The following UGT3A2 variants were observed in gnomAD, a reference collection of about 807,000 sequenced individuals.
UGT3A2 encodes the protein UDP glycosyltransferase family 3 member A2.
A neutral mutation model predicts 39.8 loss-of-function variants in UGT3A2; 32 were observed. The ratio of observed to expected loss-of-function variants is 0.80; its 90% CI spans 0.61 to 1.08. UGT3A2 has a LOEUF of 1.08. Ranked by LOEUF, UGT3A2 falls within the 50% of genes least tolerant of loss-of-function variation. The pLI, the probability that UGT3A2 is intolerant of heterozygous loss-of-function variation, is 0.00. For missense variants in UGT3A2, 611 were observed against 637.1 expected (o/e 0.96, Z 0.44); for synonymous variants, 241 against 230.7 (o/e 1.04, Z -0.40).
chr5:36,065,175 A>G (rs553497490), intron 1 of UGT3A2, among the ~76,000 whole-genome samples: 52 of 152,256 alleles, frequency 3.4e-4, no homozygotes, highest in African/African-American at 1.2e-3. Context: ...GGTTCTCAGC[A>G]GCAGAGAAAG....
intron 2 of UGT3A2, among the ~76,000 whole-genome samples, chr5:36,053,619 T>C (rs1018832959): frequency 2.0e-5 from 3 of 152,236 alleles, no homozygotes; most frequent in East Asian, 3.9e-4. Flanking sequence ...GCACCTATCA[T>C]GGCTGTTTCA....
chr5:36,051,960 T>C lies in UGT3A2; in HGVS notation c.221A>G (p.Tyr74Cys), dbSNP rs1236631509. The change falls in exon 3 of 7, where the codon TAT becomes TGT. Residue 74 changes from tyrosine (Y) to cysteine (C), a missense_variant. By Grantham distance (194) the Tyr-to-Cys change is radical (BLOSUM62 -2). Coordinates refer to ENST00000282507, the MANE Select transcript of UGT3A2 (RefSeq NM_174914.4). ...AGGTGCAAGCCAACTGATAACTTGATATGATTTTTCTTCCTTTTTAAAATC... is the reference window on the plus strand; with the variant it reads ...AGGTGCAAGCCAACTGATAACTTGACATGATTTTTCTTCCTTTTTAAAATC... ...MPDFKKEEKS[Y>C]QVISWLAPED... 6.3e-7 allele frequency: 1 copy of C among 1,575,186 alleles called. No individual in the cohort carries two copies. The highest frequency in any genetic ancestry group is 1.2e-5 in the South Asian group (1 of 82,622).
chr5:36,049,021 C>T lies in UGT3A2; in HGVS notation c.711G>A (p.Leu237=). 6.2e-7 allele frequency: 1 copy of T among 1,614,168 alleles called. No individual in the cohort carries two copies. ...ACTCTGCTTTCAGTAGAAGATGAGA[C>T]AAAACTGGCCTAGAGCCTTCTGTGA... ...EHFTEGSRPV[L]SHLLLKAELW... The change falls in exon 4 of 7, where the codon TTG becomes TTA. Residue 237 remains leucine (L), a synonymous_variant. Coordinates refer to ENST00000282507, the MANE Select transcript of UGT3A2 (RefSeq NM_174914.4).
chr5:36,052,504 A>C (rs1742376800), intron 2 of UGT3A2, among the ~76,000 whole-genome samples: 1 of 65,396 alleles, frequency 1.5e-5, no homozygotes, highest in African/African-American at 3.1e-5. Flanking sequence ...ACAAATGTCA[A>C]GCCCCATTTC....
chr5:36,054,366 C>T (rs556746420), intron 2 of UGT3A2, among the ~76,000 whole-genome samples: 1 of 152,136 alleles, frequency 6.6e-6, no homozygotes, highest in Non-Finnish European at 1.5e-5. Context: ...TCTCTAGATC[C>T]CAGACATTCA....
intron 2 of UGT3A2, among the ~76,000 whole-genome samples, chr5:36,052,639 A>T (rs1183429406): frequency 6.6e-6 from 1 of 151,910 alleles, no homozygotes; most frequent in East Asian, 1.9e-4. Context: ...TCCTCAGCCC[A>T]TCCTACCCCT....
chr5:36,049,170 G>A lies in UGT3A2; in HGVS notation c.562C>T (p.Arg188Cys), dbSNP rs761649425. The change falls in exon 4 of 7, where the codon CGT (arginine) becomes TGT (cysteine). Residue 188 changes from arginine (R) to cysteine (C), a missense_variant. Coordinates refer to ENST00000282507, the MANE Select transcript of UGT3A2 (RefSeq NM_174914.4). Reference protein sequence around the residue: ...PIPLSYVPVFRSLLTDHMDFW... With the variant: ...PIPLSYVPVFCSLLTDHMDFW... ...TCCATGTGATCAGTCAGCAAGGAACGGAATACTGGAACATAAGACAAGGGG... is the reference window on the plus strand; with the variant it reads ...TCCATGTGATCAGTCAGCAAGGAACAGAATACTGGAACATAAGACAAGGGG... 121 of 1,614,042 alleles carry A rather than the reference G, an allele frequency of 7.5e-5. 1 individual carries two copies. In the South Asian group the frequency reaches 1.0e-3, roughly 13 times the overall value.
At chr5:36,045,496 G>A (rs1742139523) in intron 4 of UGT3A2, among the ~76,000 whole-genome samples, 1 of 151,916 alleles carries the variant, frequency 6.6e-6, no homozygotes, top group African/African-American at 2.4e-5. Flanking sequence ...GGGAGGCTGA[G>A]GCAGGAGAAT....
At chr5:36,047,503 T>C (rs1276080069) in intron 4 of UGT3A2, among the ~76,000 whole-genome samples, 1 of 152,222 alleles carries the variant, frequency 6.6e-6, no homozygotes, top group Non-Finnish European at 1.5e-5. Context: ...CAACCCATCA[T>C]TCTATTACGT....
intron 2 of UGT3A2, among the ~76,000 whole-genome samples, chr5:36,060,844 T>TA (rs1742671690): frequency 1.3e-5 from 2 of 152,120 alleles, no homozygotes; most frequent in African/African-American, 2.4e-5. Flanking sequence ...TGAATGTCCT[T>TA]AAAGCCTCTA....
At chr5:36,040,023 G>C (rs2111697389) in intron 4 of UGT3A2, among the ~76,000 whole-genome samples, 1 of 152,262 alleles carries the variant, frequency 6.6e-6, no homozygotes, top group South Asian at 2.1e-4. Flanking sequence ...AAGAGTACTA[G>C]TAGGTGGCCA....
intron 3 of UGT3A2, among the ~76,000 whole-genome samples, chr5:36,050,934 T>C (rs1742323782): frequency 6.6e-6 from 1 of 151,838 alleles, no homozygotes; most frequent in African/African-American, 2.4e-5. Flanking sequence ...AAAATTAAGC[T>C]AATAAATTAA....
In UGT3A2 at chr5:36,035,595, T is replaced by C; in HGVS notation, c.*103A>G. 7 of 1,474,454 alleles carry C rather than the reference T, an allele frequency of 4.7e-6. No homozygotes were observed. The highest frequency in any genetic ancestry group is 6.3e-6 in the Non-Finnish European group (7 of 1,102,584). 91.3% of individuals were successfully genotyped at this position (1,474,454 alleles called of 1,614,324 possible). A position where few individuals can be genotyped will look rare whatever the true frequency, so the allele number is the denominator to read the frequency against. On this transcript the variant is annotated 3_prime_UTR_variant, in exon 7 of 7. Transcript: ENST00000282507. ...TCCTGTTCTTCAAGAAAACAGGAGA[T>C]AACTAGAAGGACTAGAGAATGGGGC...
chr5:36,064,454 A>G lies in UGT3A2; in HGVS notation c.95-104T>C, dbSNP rs2111782311. 5.1e-6 allele frequency: 5 copies of G among 974,004 alleles called. No individual in the cohort carries two copies. The South Asian group carries it at 8.7e-5, about 17-fold the overall frequency. 60.3% of individuals were successfully genotyped at this position (974,004 alleles called of 1,614,324 possible). ...GAAAGGTAAGGAAACAGAAGTGGAT[A>G]GTGATTGGAGGAAGATGAGTTTTGC... On this transcript the variant is annotated intron_variant, in intron 1 of 6. Transcript: ENST00000282507.
At chr5:36,044,094 A>T (rs1441752318) in intron 4 of UGT3A2, among the ~76,000 whole-genome samples, 1 of 152,124 alleles carries the variant, frequency 6.6e-6, no homozygotes, top group Non-Finnish European at 1.5e-5. Context: ...CCTCAACAAA[A>T]TACTAGCAAA....
At chr5:36,053,998 A>G (rs1358154974) in intron 2 of UGT3A2, among the ~76,000 whole-genome samples, 1 of 152,232 alleles carries the variant, frequency 6.6e-6, no homozygotes, top group Non-Finnish European at 1.5e-5. Context: ...GTCTTGGGCC[A>G]CACATAAAAT....
intron 5 of UGT3A2, 105 bp from the exon 6 acceptor site, chr5:36,038,121 T>C: frequency 5.2e-6 from 6 of 1,158,564 alleles, no homozygotes; most frequent in Non-Finnish European, 7.2e-6. Context: ...TAGTGGTGTG[T>C]TGGAGACATT....
intron 6 of UGT3A2, among the ~76,000 whole-genome samples, chr5:36,036,365 C>T (rs1489851268): frequency 6.6e-6 from 1 of 152,214 alleles, no homozygotes; most frequent in East Asian, 1.9e-4. Context: ...CACATTCCTG[C>T]ACCATCAGAA....
chr5:36,049,731 C>T (rs187186654), intron 3 of UGT3A2, among the ~76,000 whole-genome samples: 4 of 152,322 alleles, frequency 2.6e-5, no homozygotes, highest in Admixed American at 2.0e-4. Flanking sequence ...AGAGTTCTAT[C>T]TCATTGATAA....
Sources: gnomAD v4.1 joint callset for allele counts (sites outside exome capture counted in the v4.1 genomes callset) on GRCh38, gnomAD v4.1.1 for gene constraint, MANE v1.5 for transcripts, NCBI Gene and HGNC (gene_info 2026-07-23, HGNC 2026-07-21) for gene names.